Variants in RASGRP1 observed in about 807,000 individuals in gnomAD.
The protein encoded by RASGRP1 is RAS guanyl releasing protein 1.
A neutral mutation model predicts 95.1 loss-of-function variants in RASGRP1; 37 were observed. The observed-to-expected ratio is 0.39, with a 90% CI of 0.30 to 0.51. The LOEUF (loss-of-function observed/expected upper bound fraction) is 0.51, where lower values mean the gene tolerates loss of function less well. RASGRP1 is among the 20% of genes least tolerant of loss of function. The probability of loss-of-function intolerance (pLI) is 0.80; values close to 1 mark genes in which losing one functional copy is unlikely to be tolerated. For missense variants in RASGRP1, 711 were observed against 965.4 expected (o/e 0.74, Z 3.49); for synonymous variants, 325 against 353.4 (o/e 0.92, Z 0.90).
In RASGRP1 at chr15:38,548,073, C is replaced by T. The variant is rs114498317; in HGVS notation, c.220+11748G>A. On this transcript the variant is annotated intron_variant, in intron 2 of 16. Coordinates refer to ENST00000310803, the MANE Select transcript of RASGRP1 (RefSeq NM_005739.4). ...GACACGAGATGTCAAGTACATGACA[C>T]GGGTGAATTATTTTCATGATGTGTA... 6.6e-3 allele frequency among the ~76,000 whole-genome samples: 1,004 copies of T among 151,296 alleles called. 10 individuals are homozygous for T. Among genetic ancestry groups the T allele is most frequent in the African/African-American group, 0.023 (949 of 41,090 alleles).
intron 2 of RASGRP1, among the ~76,000 whole-genome samples, chr15:38,559,442 TTC>T (rs1288582616): frequency 6.6e-6 from 1 of 152,250 alleles, no homozygotes; most frequent in Non-Finnish European, 1.5e-5. Flanking sequence ...TGATTCCAAT[TTC>T]TGTTTGATAA....
chr15:38,498,980 T>C, intron 14 of RASGRP1, 34 bp from the exon 15 acceptor site: 1 of 1,613,740 alleles, frequency 6.2e-7, no homozygotes, highest in Non-Finnish European at 8.5e-7. Context: ...AAGAAGTCTT[T>C]CACTTTTCTC....
chr15:38,501,945 C>G (rs1379553968), intron 12 of RASGRP1, among the ~76,000 whole-genome samples: 1 of 151,598 alleles, frequency 6.6e-6, no homozygotes, highest in South Asian at 2.1e-4. Flanking sequence ...ACCTCCGCCT[C>G]CTGGGTTCAA....
rs1485456644 is a variant in RASGRP1 at position 38,507,584 on chromosome 15, C to T, written c.1242+142G>A. ...AGGTATATCTTTGTGCTTTAGTATC[C>T]CTAGCTATATGTTGGAGATAGTAAT... is the stretch of plus-strand genomic sequence containing the variant. On this transcript the variant is annotated intron_variant, in intron 9 of 16. Transcript: ENST00000310803. 1.3e-5 allele frequency: 13 copies of T among 976,296 alleles called. No individual in the cohort carries two copies. The Admixed American group carries it at 3.1e-4, about 23-fold the overall frequency. 60.5% of individuals were successfully genotyped at this position (976,296 alleles called of 1,614,324 possible).
At chr15:38,503,547 C>A in intron 10 of RASGRP1, 171 bp from the exon 11 acceptor site, 1 of 628,590 alleles carries the variant, frequency 1.6e-6, no homozygotes. Context: ...ATAATTTTGG[C>A]TAACAAGGCA....
intron 5 of RASGRP1, 44 bp from the exon 6 acceptor site, chr15:38,516,394 T>G: frequency 6.4e-7 from 1 of 1,568,138 alleles, no homozygotes; most frequent in South Asian, 1.1e-5. Context: ...GGAAAAGGAA[T>G]AAATCGCTTT....
chr15:38,553,530 C>T lies in RASGRP1; in HGVS notation c.220+6291G>A, dbSNP rs183652107. ...CCAGCTAAGCCACTACTGTAGTCCT[C>T]TGACCCATGGGGACGGGCATAAGTT... is the stretch of plus-strand genomic sequence containing the variant. On this transcript the variant is annotated intron_variant, in intron 2 of 16. Coordinates refer to ENST00000310803, the MANE Select transcript of RASGRP1 (RefSeq NM_005739.4). 2.1e-3 allele frequency among the ~76,000 whole-genome samples: 316 copies of T among 152,316 alleles called. 2 individuals carry two copies. Among genetic ancestry groups the T allele is most frequent in the African/African-American group, 7.4e-3 (307 of 41,570 alleles).
intron 2 of RASGRP1, among the ~76,000 whole-genome samples, chr15:38,553,485 A>C (rs1377696640): frequency 1.3e-5 from 2 of 152,130 alleles, no homozygotes; most frequent in African/African-American, 4.8e-5. Context: ...TACTCAGGAG[A>C]AGCACTCCCC....
rs1405595875 is a variant in RASGRP1 at position 38,533,131 on chromosome 15, T to C, written c.221-6727A>G. ...TCTTGATGTGTGAAGGTATTTTGAG[T>C]GTACCAGAGACAGATCAGCATATGA... On this transcript the variant is annotated intron_variant, in intron 2 of 16. Coordinates refer to ENST00000310803, the MANE Select transcript of RASGRP1 (RefSeq NM_005739.4). Among the ~76,000 whole-genome samples, 5 of 152,158 alleles carry C rather than the reference T, an allele frequency of 3.3e-5. 1 individual carries two copies. Among genetic ancestry groups the C allele is most frequent in the Admixed American group, 3.3e-4 (5 of 15,266 alleles).
intron 2 of RASGRP1, among the ~76,000 whole-genome samples, chr15:38,532,299 G>T (rs926041783): frequency 2.0e-5 from 3 of 152,178 alleles, no homozygotes; most frequent in African/African-American, 7.2e-5. Flanking sequence ...TACAGGAAAA[G>T]ACTTCTTTAA....
intron 2 of RASGRP1, among the ~76,000 whole-genome samples, chr15:38,548,721 C>T (rs1479840824): frequency 6.6e-6 from 1 of 152,216 alleles, no homozygotes; most frequent in Non-Finnish European, 1.5e-5. Context: ...TATGTGTACA[C>T]ACACATAATT....
At chr15:38,546,680 T>G (rs1218141026) in intron 2 of RASGRP1, among the ~76,000 whole-genome samples, 1 of 152,198 alleles carries the variant, frequency 6.6e-6, no homozygotes, top group Non-Finnish European at 1.5e-5. Flanking sequence ...GGACTGGACC[T>G]CAGGATAGAA....
intron 15 of RASGRP1, among the ~76,000 whole-genome samples, chr15:38,498,414 TAC>T (rs1890880683): frequency 6.6e-6 from 1 of 152,228 alleles, no homozygotes; most frequent in Admixed American, 6.5e-5. Flanking sequence ...ACATTATATA[TAC>T]ACACACATAT....
At chr15:38,498,604 A>C (rs948348959) in intron 15 of RASGRP1, among the ~76,000 whole-genome samples, 190 bp downstream of exon 15, 1 of 152,154 alleles carries the variant, frequency 6.6e-6, no homozygotes, top group Non-Finnish European at 1.5e-5. Context: ...GGACTCTGCT[A>C]TTCTCACACC....
At chr15:38,527,739 T>G (rs1892278443) in intron 2 of RASGRP1, among the ~76,000 whole-genome samples, 1 of 152,198 alleles carries the variant, frequency 6.6e-6, no homozygotes, top group Non-Finnish European at 1.5e-5. Context: ...ACAGTGCTTT[T>G]GGGCTCAGGA....
intron 15 of RASGRP1, among the ~76,000 whole-genome samples, chr15:38,495,245 T>C (rs2085333534): frequency 6.6e-6 from 1 of 152,164 alleles, no homozygotes; most frequent in Non-Finnish European, 1.5e-5. Context: ...AGCTTAACCA[T>C]GAGAAAGAAG....
intron 8 of RASGRP1, among the ~76,000 whole-genome samples, chr15:38,510,739 C>T (rs185435077): frequency 3.9e-5 from 6 of 152,314 alleles, no homozygotes; most frequent in African/African-American, 9.6e-5. Context: ...ATGGGAGGAT[C>T]GCTTGAGGCC....
intron 1 of RASGRP1, among the ~76,000 whole-genome samples, chr15:38,563,993 C>G (rs1893918732): frequency 1.3e-5 from 2 of 152,236 alleles, no homozygotes; most frequent in Admixed American, 1.3e-4. Context: ...GTCCCTCTTT[C>G]TTCAACTTCT....
chr15:38,500,572 G>A (rs1566910735), intron 13 of RASGRP1, among the ~76,000 whole-genome samples: 1 of 151,866 alleles, frequency 6.6e-6, no homozygotes, highest in African/African-American at 2.4e-5. Context: ...TCTCGAACTC[G>A]GGGCCTCAAG....
Sources: allele counts gnomAD v4.1 joint callset (sites outside exome capture counted in the v4.1 genomes callset), GRCh38; gene constraint gnomAD v4.1.1; transcripts MANE v1.5; gene names NCBI Gene and HGNC (gene_info 2026-07-23, HGNC 2026-07-21).